NAV3: variants seen among roughly 807,000 people sequenced by gnomAD.
NAV3 encodes neuron navigator 3.
Under a neutral mutation model 244.7 loss-of-function variants are expected in NAV3, and 87 were observed. The ratio of observed to expected loss-of-function variants is 0.36; its 90% CI spans 0.30 to 0.42. The LOEUF is 0.42. Ranked by LOEUF, NAV3 falls within the 20% of genes least tolerant of loss-of-function variation. The pLI is 1.00. For synonymous variants in NAV3, 1,126 were observed against 1,042.2 expected, an observed-to-expected ratio of 1.08 and a Z score of -1.55; for missense variants, 2,663 against 2,893.3, an observed-to-expected ratio of 0.92 and a Z score of 1.83.
intron 12 of NAV3, among the ~76,000 whole-genome samples, chr12:78,074,417 T>A (rs919988912): frequency 1.3e-5 from 2 of 152,008 alleles, no homozygotes; most frequent in Non-Finnish European, 1.5e-5. Context: ...AAAGACATGA[T>A]GTAGCCAGGC....
At position 77,583,366 on chromosome 12, in the gene NAV3, TATA is replaced by T. The variant is rs574173336; in HGVS notation, c.72+11103_72+11105del. On this transcript the variant is annotated intron_variant, in intron 2 of 8. Coordinates refer to the NAV3 transcript ENST00000550042. ...TTAACAGTTGCTGGTATTGGCAAAT[TATA>T]ATGTTTGTAAATGACAGATAAGTAA... is the stretch of plus-strand genomic sequence containing the variant. Among the ~76,000 whole-genome samples the T allele has an allele frequency of 1.5e-3, 222 of 152,322 alleles. 1 individual carries two copies. The highest frequency in any genetic ancestry group is 5.2e-3 in the African/African-American group (217 of 41,570).
intron 2 of NAV3, among the ~76,000 whole-genome samples, chr12:77,774,844 TG>T (rs764722405): frequency 2.6e-4 from 39 of 152,336 alleles, no homozygotes; most frequent in Admixed American, 7.8e-4. Context: ...AATTGTACTG[TG>T]AATTCAACAG....
At position 78,006,876 on chromosome 12, in the gene NAV3, G is replaced by T. The variant is rs559117211; in HGVS notation, c.1338G>T (p.Leu446Phe). 1 of 1,614,024 alleles carries T rather than the reference G, an allele frequency of 6.2e-7. No individual in the cohort carries two copies. The highest frequency in any genetic ancestry group is 1.1e-5 in the South Asian group (1 of 91,070). ...TNSSPKVSPK[L>F]APPKAGSKNL... is the part of the protein sequence containing the mutation. The stretch of plus-strand genomic sequence containing the variant: ...GCAGTCCCAAAGTGTCACCTAAGTT[G>T]GCCCCTCCAAAAGCTGGAAGCAAAA... Residue 446 changes from leucine (L) to phenylalanine (F), a missense_variant, in exon 8 of 40, where the codon TTG becomes TTT. Around this residue, in one of 6 missense-constraint regions of NAV3, gnomAD observed 1,521 missense variants for 1,497.0 expected, o/e 1.02. Transcript: ENST00000397909.
chr12:78,116,187 G>A (rs1955367544), intron 12 of NAV3, among the ~76,000 whole-genome samples: 1 of 152,098 alleles, frequency 6.6e-6, no homozygotes, highest in African/African-American at 2.4e-5. Flanking sequence ...CCAGATAAGA[G>A]GATACTGTAT....
At chr12:78,041,403 G>A (rs1376037989) in intron 9 of NAV3, among the ~76,000 whole-genome samples, 1 of 152,206 alleles carries the variant, frequency 6.6e-6, no homozygotes. Context: ...GAACAAAGTA[G>A]TAATGTTTGC....
intron 2 of NAV3, among the ~76,000 whole-genome samples, chr12:77,652,044 C>G (rs552237786): frequency 3.3e-5 from 5 of 152,278 alleles, no homozygotes; most frequent in South Asian, 2.1e-4. Context: ...AAAATAGCAG[C>G]TTTCTACTCT....
chr12:78,082,215 A>G (rs748055958), intron 12 of NAV3, among the ~76,000 whole-genome samples: 11 of 152,202 alleles, frequency 7.2e-5, no homozygotes, highest in Non-Finnish European at 1.5e-4. Flanking sequence ...TGGAACTGTG[A>G]GTCAATTAAA....
intron 1 of NAV3, among the ~76,000 whole-genome samples, chr12:77,879,605 G>A (rs989134260): frequency 1.1e-4 from 16 of 150,702 alleles, no homozygotes; most frequent in African/African-American, 3.9e-4. Context: ...AACCTGGGGC[G>A]GGGAGGTGGA....
chr12:77,849,761 T>G (rs566688096), intron 1 of NAV3, among the ~76,000 whole-genome samples: 32 of 152,266 alleles, frequency 2.1e-4, no homozygotes, highest in Non-Finnish European at 4.4e-5. Flanking sequence ...TGATCCAAAG[T>G]CCAAACCTTA....
In NAV3 at chr12:77,873,311, G is replaced by T. The variant is rs1171113488; in HGVS notation, c.243+41607G>T. 2.0e-5 allele frequency among the ~76,000 whole-genome samples: 3 copies of T among 151,998 alleles called. No individual in the cohort carries two copies. In the East Asian group the frequency reaches 5.8e-4, roughly 29 times the overall value. The stretch of plus-strand genomic sequence containing the variant: ...TTTACTTTTTAGTATATTAGTATAT[G>T]TATGTCCAGTTTTAATATATGTGAA... On this transcript the variant is annotated intron_variant, in intron 1 of 39. Transcript: ENST00000397909.
chr12:77,900,534 T>C (rs1016000338), intron 1 of NAV3, among the ~76,000 whole-genome samples: 3 of 152,174 alleles, frequency 2.0e-5, no homozygotes, highest in Non-Finnish European at 4.4e-5. Flanking sequence ...TTTTTATGGC[T>C]GCATAGTATT....
chr12:77,794,965 G>A (rs992272671), intron 2 of NAV3, among the ~76,000 whole-genome samples: 1 of 152,080 alleles, frequency 6.6e-6, no homozygotes, highest in Admixed American at 6.5e-5. Flanking sequence ...TTGAAATTAG[G>A]TCAATTAATA....
At chr12:77,927,222 A>G (rs746085398) in intron 1 of NAV3, among the ~76,000 whole-genome samples, 81 of 152,336 alleles carry the variant, frequency 5.3e-4, no homozygotes, top group Admixed American at 1.4e-3. Context: ...GCATTATTAG[A>G]CTTCACAGAC....
chr12:77,663,838 G>A (rs1284547131), intron 2 of NAV3, among the ~76,000 whole-genome samples: 1 of 152,188 alleles, frequency 6.6e-6, no homozygotes, highest in African/African-American at 2.4e-5. Flanking sequence ...TTTCTTTTAA[G>A]TGAGCATGAG....
intron 24 of NAV3, among the ~76,000 whole-genome samples, chr12:78,170,137 G>A (rs1263660198): frequency 6.6e-6 from 1 of 151,620 alleles, no homozygotes; most frequent in African/African-American, 2.4e-5. Context: ...CAGCTACCAA[G>A]AGAGAACTCC....
intron 9 of NAV3, chr12:78,036,565 A>G: frequency 4.0e-6 from 1 of 247,720 alleles, no homozygotes; most frequent in African/African-American, 2.2e-5. Context: ...AGACGGGCAA[A>G]CGTAGTTGGC....
At chr12:77,861,374 T>C (rs1168421579) in intron 1 of NAV3, among the ~76,000 whole-genome samples, 1 of 151,872 alleles carries the variant, frequency 6.6e-6, no homozygotes, top group Non-Finnish European at 1.5e-5. Context: ...AAGACACTAT[T>C]TTATGAGTTA....
intron 1 of NAV3, among the ~76,000 whole-genome samples, chr12:77,878,073 G>T (rs775079650): frequency 3.3e-5 from 5 of 152,032 alleles, no homozygotes; most frequent in Non-Finnish European, 7.4e-5. Context: ...AAAACAAGGG[G>T]AGTCTAAGAA....
In NAV3 at chr12:78,106,081, T is replaced by A. The variant is rs76273700; in HGVS notation, c.2637-10691T>A. On this transcript the variant is annotated intron_variant, in intron 12 of 39. Coordinates refer to ENST00000397909, the MANE Select transcript of NAV3 (RefSeq NM_001024383.2). ...TGAATAAAAGGCTTTCATCTTATTG[T>A]TGCATTAATATATTTAAATGTAGAG... Among the ~76,000 whole-genome samples the A allele has an allele frequency of 5.2e-3, 792 of 151,816 alleles. 11 individuals are homozygous for A. Among genetic ancestry groups the A allele is most frequent in the African/African-American group, 0.018 (756 of 41,572 alleles).
Sources: allele counts gnomAD v4.1 joint callset (sites outside exome capture counted in the v4.1 genomes callset), GRCh38; gene constraint gnomAD v4.1.1; regional missense constraint gnomAD v4.1.1; transcripts MANE v1.5; gene names NCBI Gene and HGNC (gene_info 2026-07-23, HGNC 2026-07-21).